Variants in STARD13 observed in about 807,000 individuals in gnomAD.
The protein encoded by STARD13 is StAR related lipid transfer domain containing 13.
A neutral mutation model predicts 106.4 loss-of-function variants in STARD13; 62 were observed. The observed-to-expected ratio is 0.58, with a 90% CI of 0.48 to 0.72. STARD13 has a LOEUF of 0.72. Ranked by LOEUF, STARD13 falls within the 30% of genes least tolerant of loss-of-function variation. The probability of loss-of-function intolerance (pLI) is 0.00; values close to 1 mark genes in which losing one functional copy is unlikely to be tolerated. For missense variants in STARD13, 1,387 were observed against 1,424.0 expected (o/e 0.97, Z 0.42); for synonymous variants, 565 against 553.0 (o/e 1.02, Z -0.31).
chr13:33,222,294 G>A lies in STARD13; in HGVS notation c.170-54672C>T, dbSNP rs112465095. On this transcript the variant is annotated intron_variant, in intron 1 of 13. Transcript: ENST00000336934. ...TCATTGAAACAAAGTCAGATGGTGG[G>A]TGCCAGAGGTTGCGGAATGGAGATT... 6.4e-3 allele frequency among the ~76,000 whole-genome samples: 973 copies of A among 152,282 alleles called. 12 individuals carry two copies. Among genetic ancestry groups the A allele is most frequent in the African/African-American group, 0.022 (922 of 41,556 alleles).
chr13:33,436,605 T>C, the STARD13 span, among the ~76,000 whole-genome samples: 1 of 152,204 alleles, frequency 6.6e-6, no homozygotes, highest in African/African-American at 2.4e-5. Flanking sequence ...GGCCACAGCA[T>C]AATAGGCATA....
the STARD13 span, among the ~76,000 whole-genome samples, chr13:33,649,969 G>A: frequency 1.3e-5 from 2 of 151,964 alleles, no homozygotes; most frequent in African/African-American, 4.8e-5. Context: ...CATTTGGCCA[G>A]GGAAATTTCA....
chr13:33,206,169 A>G (rs892684655), intron 1 of STARD13: 1 of 229,244 alleles, frequency 4.4e-6, no homozygotes, highest in Admixed American at 6.5e-5. Context: ...ACCAGAGGAA[A>G]CGCTGCCAGT....
chr13:33,398,795 A>G, the STARD13 span, among the ~76,000 whole-genome samples: 48 of 152,364 alleles, frequency 3.2e-4, no homozygotes, highest in Non-Finnish European at 6.2e-4. Flanking sequence ...TGGAACCCTC[A>G]TACATTGCTG....
chr13:33,451,406 G>A, the STARD13 span, among the ~76,000 whole-genome samples: 1 of 152,142 alleles, frequency 6.6e-6, no homozygotes, highest in African/African-American at 2.4e-5. Context: ...CACAAGTCAG[G>A]GGATTGTTGC....
intron 1 of STARD13, among the ~76,000 whole-genome samples, chr13:33,170,717 C>A (rs1027721384): frequency 4.6e-5 from 7 of 152,126 alleles, no homozygotes; most frequent in Non-Finnish European, 8.8e-5. Flanking sequence ...ATTCTATTTG[C>A]CCAAATGTCT....
At chr13:33,608,012 C>T in the STARD13 span, among the ~76,000 whole-genome samples, 3 of 152,128 alleles carry the variant, frequency 2.0e-5, no homozygotes, top group East Asian at 1.9e-4. Context: ...TGGGCTCAAG[C>T]GATCCTCCCA....
At chr13:33,287,207 ATTC>A (rs1892100756), upstream of STARD13, among the ~76,000 whole-genome samples, 1 of 152,186 alleles carries the variant, frequency 6.6e-6, no homozygotes, top group African/African-American at 2.4e-5. Flanking sequence ...TAGGACTTTG[ATTC>A]TTCTTACTCT....
chr13:33,438,760 T>A, the STARD13 span, among the ~76,000 whole-genome samples: 1 of 152,196 alleles, frequency 6.6e-6, no homozygotes, highest in Non-Finnish European at 1.5e-5. Context: ...TAAGCATAAG[T>A]GAAGCTGAGA....
the STARD13 span, among the ~76,000 whole-genome samples, chr13:33,355,974 T>C: frequency 6.6e-6 from 1 of 152,268 alleles, no homozygotes; most frequent in Non-Finnish European, 1.5e-5. Flanking sequence ...TTAATAACTT[T>C]GGCTGTGTTT....
At chr13:33,321,334 C>T (rs1046123721) in intron 1 of STARD13, among the ~76,000 whole-genome samples, 6 of 152,098 alleles carry the variant, frequency 3.9e-5, no homozygotes, top group East Asian at 1.9e-4. Context: ...GGTGAAACCC[C>T]GTCTCTACTA....
At chr13:33,631,503 G>A in the STARD13 span, among the ~76,000 whole-genome samples, 11 of 152,272 alleles carry the variant, frequency 7.2e-5, no homozygotes, top group East Asian at 1.9e-4. Context: ...TGGTGATTAC[G>A]GAAGTGCTGA....
intron 1 of STARD13, among the ~76,000 whole-genome samples, chr13:33,238,128 C>T (rs1445309935): frequency 2.0e-5 from 3 of 152,156 alleles, no homozygotes; most frequent in African/African-American, 4.8e-5. Context: ...TCAGATAGCA[C>T]TTACCTTTCT....
chr13:33,590,144 A>G, the STARD13 span, among the ~76,000 whole-genome samples: 6,891 of 152,278 alleles, frequency 0.045, 288 homozygotes, highest in East Asian at 0.24. Context: ...CAAAACCACA[A>G]TGAGATACCA....
chr13:33,273,049 C>A (rs1891240007), intron 1 of STARD13, among the ~76,000 whole-genome samples: 2 of 152,172 alleles, frequency 1.3e-5, no homozygotes, highest in African/African-American at 4.8e-5. Flanking sequence ...ATTGATAGCG[C>A]CCTCTTGGAC....
chr13:33,417,888 T>G, the STARD13 span, among the ~76,000 whole-genome samples: 1 of 152,218 alleles, frequency 6.6e-6, no homozygotes, highest in Non-Finnish European at 1.5e-5. Context: ...TACTAAAAAT[T>G]ATTGACTTAT....
intron 3 of STARD13, among the ~76,000 whole-genome samples, chr13:33,148,993 C>A (rs1204224347): frequency 1.3e-5 from 2 of 152,110 alleles, no homozygotes; most frequent in African/African-American, 4.8e-5. Flanking sequence ...AACTATATAG[C>A]ATTCTAAAAG....
chr13:33,628,835 G>T, the STARD13 span, among the ~76,000 whole-genome samples: 10 of 152,160 alleles, frequency 6.6e-5, no homozygotes, highest in South Asian at 4.1e-4. Flanking sequence ...TCTTAGGAAA[G>T]TTGCATCACT....
At chr13:33,111,664 T>C (rs1388874842) in intron 10 of STARD13, 114 bp downstream of exon 10, 3 of 682,928 alleles carry the variant, frequency 4.4e-6, no homozygotes, top group Non-Finnish European at 7.8e-6. Flanking sequence ...ACATATACTA[T>C]TGTCATAAAA....
Sources: allele counts gnomAD v4.1 joint callset (sites outside exome capture counted in the v4.1 genomes callset), GRCh38; gene constraint gnomAD v4.1.1; transcripts MANE v1.5; gene names NCBI Gene and HGNC (gene_info 2026-07-23, HGNC 2026-07-21).